The following C10orf90 variants were observed in gnomAD, a reference collection of about 807,000 sequenced individuals.
The protein encoded by C10orf90 is chromosome 10 open reading frame 90.
A neutral mutation model predicts 62.5 loss-of-function variants in C10orf90; 56 were observed. The observed-to-expected ratio is 0.90, with a 90% CI of 0.72 to 1.12. The LOEUF is 1.12. C10orf90 is among the 50% of genes most tolerant of loss of function. The pLI, the probability that C10orf90 is intolerant of heterozygous loss-of-function variation, is 0.00. For synonymous variants in C10orf90, 386 were observed against 340.4 expected (o/e 1.13, Z -1.47); for missense variants, 970 against 880.4 (o/e 1.10, Z -1.29).
intron 2 of C10orf90, among the ~76,000 whole-genome samples, chr10:126,639,106 G>C (rs1202284540): frequency 1.3e-5 from 2 of 152,212 alleles, no homozygotes; most frequent in African/African-American, 4.8e-5. Flanking sequence ...GTGAGTGGTG[G>C]TTTTCACAGG....
intron 2 of C10orf90, among the ~76,000 whole-genome samples, chr10:126,587,115 T>C (rs1485196206): frequency 2.0e-5 from 3 of 152,142 alleles, no homozygotes; most frequent in African/African-American, 7.2e-5. Flanking sequence ...TCTGTGACCA[T>C]TGGTGAGGTC....
At chr10:126,476,892 A>G (rs12358377) in intron 4 of C10orf90, among the ~76,000 whole-genome samples, 17,841 of 148,826 alleles carry the variant, frequency 0.12, 1,140 homozygotes, top group Non-Finnish European at 0.15. Context: ...TGGAAAATCA[A>G]TGTATCACCA....
intron 3 of C10orf90, among the ~76,000 whole-genome samples, chr10:126,512,394 GTGTGTGTGTC>G (rs1863180656): frequency 5.8e-5 from 1 of 17,354 alleles, no homozygotes; most frequent in African/African-American, 1.1e-4. Flanking sequence ...GTCTGTGTGT[GTGTGTGTGTC>G]TGTGTGTCTG....
At chr10:126,603,113 C>A (rs1419458205) in intron 2 of C10orf90, among the ~76,000 whole-genome samples, 1 of 152,018 alleles carries the variant, frequency 6.6e-6, no homozygotes, top group Non-Finnish European at 1.5e-5. Flanking sequence ...GAGTTCCAGT[C>A]TGGAGGTGGA....
intron 2 of C10orf90, among the ~76,000 whole-genome samples, chr10:126,572,150 A>G (rs1844519685): frequency 6.6e-6 from 1 of 152,182 alleles, no homozygotes; most frequent in Non-Finnish European, 1.5e-5. Flanking sequence ...GGAGGTCGGC[A>G]GAAGATACAG....
At chr10:126,524,877 T>A in intron 2 of C10orf90, 1 of 960,924 alleles carries the variant, frequency 1.0e-6, no homozygotes, top group Non-Finnish European at 1.2e-6. Context: ...AACGCCATTA[T>A]TTCCATCACT....
At chr10:126,462,071 G>A (rs1007536404) in intron 5 of C10orf90, among the ~76,000 whole-genome samples, 6 of 152,104 alleles carry the variant, frequency 3.9e-5, no homozygotes, top group Non-Finnish European at 5.9e-5. Flanking sequence ...GGATGACTTC[G>A]CTTTCAAGGC....
intron 2 of C10orf90, among the ~76,000 whole-genome samples, chr10:126,575,127 A>G (rs1433797354): frequency 1.3e-5 from 2 of 152,112 alleles, no homozygotes; most frequent in South Asian, 2.1e-4. Flanking sequence ...AACTATTAGA[A>G]TAGGTGAAGG....
chr10:126,593,579 A>C (rs1169602744), intron 2 of C10orf90, among the ~76,000 whole-genome samples: 1 of 152,162 alleles, frequency 6.6e-6, no homozygotes, highest in Non-Finnish European at 1.5e-5. Context: ...CATCAGGAAG[A>C]ATAGCTAATG....
At chr10:126,536,477 C>T (rs118185900) in intron 2 of C10orf90, among the ~76,000 whole-genome samples, 82 of 152,202 alleles carry the variant, frequency 5.4e-4, no homozygotes, top group Non-Finnish European at 8.8e-4. Flanking sequence ...AGTTCCTTGG[C>T]GGAAAGATCC....
At chr10:126,590,523 A>G (rs1185563195) in intron 2 of C10orf90, among the ~76,000 whole-genome samples, 1 of 152,210 alleles carries the variant, frequency 6.6e-6, no homozygotes, top group Non-Finnish European at 1.5e-5. Flanking sequence ...AGAACTTAAT[A>G]TTAAGAATCT....
intron 2 of C10orf90, among the ~76,000 whole-genome samples, chr10:126,638,924 G>A (rs967938082): frequency 1.3e-5 from 2 of 152,200 alleles, no homozygotes; most frequent in South Asian, 2.1e-4. Flanking sequence ...TTTCCATCAC[G>A]CTAGAGCAGC....
At chr10:126,458,169 G>T (rs1357137321) in intron 7 of C10orf90, among the ~76,000 whole-genome samples, 2 of 152,134 alleles carry the variant, frequency 1.3e-5, no homozygotes, top group African/African-American at 4.8e-5. Flanking sequence ...CCCAGAATAA[G>T]ATCTTGGTAA....
At chr10:126,631,564 G>A (rs79375824) in intron 2 of C10orf90, among the ~76,000 whole-genome samples, 5,179 of 152,068 alleles carry the variant, frequency 0.034, 285 homozygotes, top group African/African-American at 0.12. Context: ...GATTTCAGGA[G>A]AGCAAGTTCC....
intron 2 of C10orf90, among the ~76,000 whole-genome samples, chr10:126,620,166 G>T (rs1392569753): frequency 6.6e-6 from 1 of 151,918 alleles, no homozygotes. Context: ...TTCCTTTATG[G>T]TGTCTTATGT....
At chr10:126,599,691 G>A (rs1175344206) in intron 2 of C10orf90, among the ~76,000 whole-genome samples, 2 of 151,950 alleles carry the variant, frequency 1.3e-5, no homozygotes, top group African/African-American at 4.8e-5. Context: ...TTAGAAACCT[G>A]GTAATAGGGG....
intron 2 of C10orf90, among the ~76,000 whole-genome samples, chr10:126,630,328 G>T (rs1845827963): frequency 6.6e-6 from 1 of 152,188 alleles, no homozygotes; most frequent in South Asian, 2.1e-4. Context: ...GGCCCAGCAT[G>T]GCACCAGTGT....
At chr10:126,592,667 T>C (rs1013776894) in intron 2 of C10orf90, among the ~76,000 whole-genome samples, 1 of 151,900 alleles carries the variant, frequency 6.6e-6, no homozygotes, top group African/African-American at 2.4e-5. Flanking sequence ...CAAAAGCAAT[T>C]GCAACAAAAG....
intron 7 of C10orf90, among the ~76,000 whole-genome samples, chr10:126,433,125 C>G (rs1260586436): frequency 6.6e-6 from 1 of 152,052 alleles, no homozygotes; most frequent in Non-Finnish European, 1.5e-5. Context: ...CAGGTAGAAA[C>G]TGAGTTGTAA....
Sources: gnomAD v4.1 joint callset for allele counts (sites outside exome capture counted in the v4.1 genomes callset) on GRCh38, gnomAD v4.1.1 for gene constraint, MANE v1.5 for transcripts, NCBI Gene and HGNC (gene_info 2026-07-23, HGNC 2026-07-21) for gene names.